Variants in ABCC11 observed in about 807,000 individuals in gnomAD.
The protein encoded by ABCC11 is ATP binding cassette subfamily C member 11.
A neutral mutation model predicts 149.3 loss-of-function variants in ABCC11; 135 were observed. That is an observed-to-expected ratio of 0.90 (90% CI 0.79 to 1.04). ABCC11 has a LOEUF of 1.04. Among genes scored for constraint, ABCC11 ranks in the 50% least tolerant of loss-of-function variants. The pLI, the probability that ABCC11 is intolerant of heterozygous loss-of-function variation, is 0.00. For missense variants in ABCC11, 1,680 were observed against 1,722.1 expected (o/e 0.98, Z 0.43); for synonymous variants, 665 against 671.4 (o/e 0.99, Z 0.15).
At chr16:48,235,167 T>C (rs2150928677) in intron 1 of ABCC11, 1 of 152,352 alleles carries the variant, frequency 6.6e-6, no homozygotes, top group Non-Finnish European at 1.5e-5. Context: ...ACCTGGTTTA[T>C]TCAAATACAC....
intron 20 of ABCC11, among the ~76,000 whole-genome samples, chr16:48,187,807 A>G (rs1385931266): frequency 2.0e-5 from 3 of 152,176 alleles, no homozygotes; most frequent in Non-Finnish European, 4.4e-5. Context: ...TATTAGAGAG[A>G]GAGAGAATAC....
chr16:48,166,897 A>G lies in ABCC11; in HGVS notation c.*377T>C, dbSNP rs2150697197. The G allele has an allele frequency of 5.8e-6, 1 of 172,138 alleles. No homozygotes were observed. The highest frequency in any genetic ancestry group is 2.4e-5 in the African/African-American group (1 of 41,942). The allele number at this position is 172,138 out of a possible 1,614,324, so 10.7% of individuals were successfully genotyped here. A position where few individuals can be genotyped will look rare whatever the true frequency, so the allele number is the denominator to read the frequency against. On this transcript the variant is annotated 3_prime_UTR_variant, in exon 30 of 30. Coordinates refer to ENST00000356608, the MANE Select transcript of ABCC11 (RefSeq NM_001370497.1). ...AAAAAGAAAAGAAACGAAAGGAAGCAGAACAAAGAAAGTGAGTTTTCCTTA... is the reference window on the plus strand; with the variant it reads ...AAAAAGAAAAGAAACGAAAGGAAGCGGAACAAAGAAAGTGAGTTTTCCTTA...
At position 48,166,119 on chromosome 16, in the gene ABCC11, C is replaced by T. The variant is rs1417923577; in HGVS notation, c.*1155G>A. On this transcript the variant is annotated 3_prime_UTR_variant, in exon 30 of 30. Transcript: ENST00000356608. ...TTTTACTTTGGTGAAACAACCTCTT[C>T]TATTCTCAGTCTACATGATCTAGGG... 6.6e-6 allele frequency among the ~76,000 whole-genome samples: 1 copy of T among 152,234 alleles called. No individual in the cohort carries two copies. The highest frequency in any genetic ancestry group is 2.4e-5 in the African/African-American group (1 of 41,460).
intron 23 of ABCC11, among the ~76,000 whole-genome samples, 169 bp downstream of exon 23, chr16:48,184,271 A>G (rs1003309195): frequency 6.6e-6 from 1 of 152,240 alleles, no homozygotes; most frequent in African/African-American, 2.4e-5. Flanking sequence ...CCACAAGGAA[A>G]CAGAGCAAAG....
intron 18 of ABCC11, among the ~76,000 whole-genome samples, chr16:48,194,600 A>G (rs1967219630): frequency 6.6e-6 from 1 of 152,210 alleles, no homozygotes; most frequent in South Asian, 2.1e-4. Context: ...CTAAGAGGTG[A>G]CGACCATGAG....
At chr16:48,218,758 A>G (rs1969522240) in intron 6 of ABCC11, among the ~76,000 whole-genome samples, 1 of 152,194 alleles carries the variant, frequency 6.6e-6, no homozygotes, top group Admixed American at 6.5e-5. Context: ...GCCACCATGT[A>G]AGATGTGCCT....
intron 12 of ABCC11, among the ~76,000 whole-genome samples, chr16:48,207,898 C>A (rs1662832317): frequency 6.6e-6 from 1 of 152,034 alleles, no homozygotes; most frequent in Non-Finnish European, 1.5e-5. Flanking sequence ...CCATCCCATC[C>A]AGCAGGGCTC....
chr16:48,212,168 T>C (rs1364473259), intron 10 of ABCC11, among the ~76,000 whole-genome samples: 1 of 152,190 alleles, frequency 6.6e-6, no homozygotes, highest in Non-Finnish European at 1.5e-5. Context: ...AAGCACTGTT[T>C]GTGTTACTCA....
At chr16:48,202,303 G>C (rs1968055712) in intron 14 of ABCC11, among the ~76,000 whole-genome samples, 1 of 152,126 alleles carries the variant, frequency 6.6e-6, no homozygotes, top group African/African-American at 2.4e-5. Flanking sequence ...AGGATTTATA[G>C]TCCCAGCTTT....
chr16:48,169,202 T>A (rs867152033), intron 28 of ABCC11, among the ~76,000 whole-genome samples: 6 of 152,210 alleles, frequency 3.9e-5, no homozygotes, highest in South Asian at 2.1e-4. Flanking sequence ...GAGGGTCTAA[T>A]GTGTTGTGTT....
At chr16:48,165,460 C>T (rs914347709), downstream of ABCC11, among the ~76,000 whole-genome samples, 3 of 152,220 alleles carry the variant, frequency 2.0e-5, no homozygotes, top group Non-Finnish European at 4.4e-5. Flanking sequence ...AGCTCATTCC[C>T]GCAGGGATTT....
chr16:48,174,820 G>A (rs188814450), intron 26 of ABCC11, among the ~76,000 whole-genome samples: 2 of 151,978 alleles, frequency 1.3e-5, no homozygotes, highest in Admixed American at 1.3e-4. Flanking sequence ...TTGTTTGCTT[G>A]TTTGTTTGTT....
intron 25 of ABCC11, 27 bp downstream of exon 25, chr16:48,176,897 G>T: frequency 1.2e-6 from 2 of 1,607,912 alleles, no homozygotes; most frequent in Non-Finnish European, 1.7e-6. Flanking sequence ...AGGAGCTGGG[G>T]ACGCTCGCCC....
At chr16:48,173,531 C>T (rs1965846576) in intron 26 of ABCC11, among the ~76,000 whole-genome samples, 1 of 152,220 alleles carries the variant, frequency 6.6e-6, no homozygotes, top group South Asian at 2.1e-4. Context: ...TATCAACGCA[C>T]AGGAGATTTG....
In ABCC11 at chr16:48,244,604, C is replaced by A. The variant is rs1292080223; in HGVS notation, c.-19+2710G>T. 3 of 1,479,940 alleles carry A rather than the reference C, an allele frequency of 2.0e-6. No homozygotes were observed. Among genetic ancestry groups the A allele is most frequent in the Non-Finnish European group, 2.7e-6 (3 of 1,118,420 alleles). The allele number at this position is 1,479,940 out of a possible 1,614,324, so 91.7% of individuals were successfully genotyped here. On this transcript the variant is annotated intron_variant, in intron 1 of 29. Transcript: ENST00000356608. ...CTGACCCCGCCAGCGACGCGCAGGA[C>A]CTGCCGCCGCTGCACAGGTAGGCCT...
intron 20 of ABCC11, among the ~76,000 whole-genome samples, chr16:48,189,341 G>A (rs948905629): frequency 6.6e-6 from 1 of 152,182 alleles, no homozygotes; most frequent in Admixed American, 6.5e-5. Flanking sequence ...AGGGACCAAT[G>A]GTGGCGACAA....
chr16:48,190,078 C>T (rs1182390523), intron 20 of ABCC11, among the ~76,000 whole-genome samples: 1 of 152,164 alleles, frequency 6.6e-6, no homozygotes, highest in Admixed American at 6.5e-5. Context: ...GGACTCTCCC[C>T]ACTTTCTTCC....
intron 28 of ABCC11, 53 bp downstream of exon 28, chr16:48,170,052 T>G: frequency 6.7e-7 from 1 of 1,495,742 alleles, no homozygotes; most frequent in African/African-American, 1.4e-5. Context: ...GTGGCTTCCC[T>G]CATCATGCGT....
chr16:48,168,449 G>T (rs146141826), intron 28 of ABCC11, among the ~76,000 whole-genome samples: 1 of 152,124 alleles, frequency 6.6e-6, no homozygotes, highest in Non-Finnish European at 1.5e-5. Flanking sequence ...CTGACAGTTT[G>T]CACCAACAGT....
Sources: gnomAD v4.1 joint callset for allele counts (sites outside exome capture counted in the v4.1 genomes callset) on GRCh38, gnomAD v4.1.1 for gene constraint, MANE v1.5 for transcripts, NCBI Gene and HGNC (gene_info 2026-07-23, HGNC 2026-07-21) for gene names.